Variants in KMT5B observed in about 807,000 individuals in gnomAD.
KMT5B encodes the protein lysine methyltransferase 5B.
Under a neutral mutation model 83.2 loss-of-function variants are expected in KMT5B, and 10 were observed. That is an observed-to-expected ratio of 0.12 (90% CI 0.07 to 0.20). The LOEUF (loss-of-function observed/expected upper bound fraction) is 0.20, where lower values mean the gene tolerates loss of function less well. KMT5B is among the 10% of genes least tolerant of loss of function. KMT5B has a pLI of 1.00. For missense variants in KMT5B, 753 were observed against 1,067.2 expected (o/e 0.71, Z 4.10); for synonymous variants, 349 against 388.8 (o/e 0.90, Z 1.20).
In KMT5B at chr11:68,159,103, T is replaced by C. The variant is rs761877510; in HGVS notation, c.1243A>G (p.Met415Val). 7 of 1,601,166 alleles carry C rather than the reference T, an allele frequency of 4.4e-6. No homozygotes were observed. The highest frequency in any genetic ancestry group is 1.7e-4 in the Middle Eastern group (1 of 5,974). The change falls in exon 11 of 11, where the codon ATG (methionine) becomes GTG (valine). Residue 415 changes from methionine (M) to valine (V), a missense_variant. This residue lies in a region of KMT5B where 397 missense variants were observed against 395.9 expected (regional missense o/e 1.00). Transcript: ENST00000304363. ...TTGGAAGAAGCTGGAATTCTTGACA[T>C]AGATTGCCTCGTTAACGTTCTGCTC... ...SKSRTLTRQS[M>V]SRIPASSNST...
At chr11:68,187,682 C>T (rs1173326403) in intron 2 of KMT5B, among the ~76,000 whole-genome samples, 1 of 152,170 alleles carries the variant, frequency 6.6e-6, no homozygotes, top group Non-Finnish European at 1.5e-5. Flanking sequence ...TCTGTTAGGC[C>T]TCATTGGTTT....
chr11:68,167,350 T>C (rs1376102391), intron 9 of KMT5B, among the ~76,000 whole-genome samples, 172 bp from the exon 10 acceptor site: 2 of 152,048 alleles, frequency 1.3e-5, no homozygotes, highest in Non-Finnish European at 2.9e-5. Flanking sequence ...ATCTATATTA[T>C]AAAATTAACT....
Position 68,200,636 on chromosome 11 carries a change from T to C in KMT5B, c.-76-10484A>G, listed in dbSNP as rs1352381495. On this transcript the variant is annotated intron_variant, in intron 1 of 10. Coordinates refer to ENST00000304363, the MANE Select transcript of KMT5B (RefSeq NM_017635.5). Reference sequence around the variant, plus strand: ...GGAGTGGGAGGTGATGGGAATAGGTTAGTTAATTTGAGAAGGCAAGCCTTC... The same window carrying C: ...GGAGTGGGAGGTGATGGGAATAGGTCAGTTAATTTGAGAAGGCAAGCCTTC... Among the ~76,000 whole-genome samples the C allele has an allele frequency of 2.6e-5, 4 of 152,186 alleles. No homozygotes were observed. In the East Asian group the frequency reaches 7.7e-4, roughly 29 times the overall value.
chr11:68,156,021 G>C lies in KMT5B; in HGVS notation c.*1667C>G, dbSNP rs189577669. 1.3e-5 allele frequency: 2 copies of C among 152,144 alleles called. No individual in the cohort carries two copies. The highest frequency in any genetic ancestry group is 4.8e-5 in the African/African-American group (2 of 41,422). 9.4% of individuals were successfully genotyped at this position (152,144 alleles called of 1,614,324 possible). Reference sequence around the variant, plus strand: ...TGGGCAATCAACAGTCTTAAGGAGCGTCATTGAAACAATATCCCCCCAAAC... The same window carrying C: ...TGGGCAATCAACAGTCTTAAGGAGCCTCATTGAAACAATATCCCCCCAAAC... On this transcript the variant is annotated 3_prime_UTR_variant, in exon 11 of 11. Transcript: ENST00000304363.
chr11:68,175,299 C>T lies in KMT5B; in HGVS notation c.378-116G>A, dbSNP rs535610002. On this transcript the variant is annotated intron_variant, in intron 4 of 10. Coordinates refer to ENST00000304363, the MANE Select transcript of KMT5B (RefSeq NM_017635.5). ...CTAAAAACAGCCATGGTTATCAGAG[C>T]AAAGATCTAAGAGAAGAGAACAACA... The T allele has an allele frequency of 8.1e-5, 58 of 719,828 alleles. No homozygotes were observed. In the Admixed American group the frequency reaches 1.6e-3, roughly 20 times the overall value. The allele number at this position is 719,828 out of a possible 1,614,324, so 44.6% of individuals were successfully genotyped here. A position where few individuals can be genotyped will look rare whatever the true frequency, so the allele number is the denominator to read the frequency against.
chr11:68,199,026 G>A (rs898316390), intron 1 of KMT5B, among the ~76,000 whole-genome samples: 4 of 152,184 alleles, frequency 2.6e-5, no homozygotes. Flanking sequence ...ACCACGCCCG[G>A]CCATTACTGA....
chr11:68,159,815 C>G (rs1590918784), intron 10 of KMT5B, among the ~76,000 whole-genome samples: 1 of 152,216 alleles, frequency 6.6e-6, no homozygotes, highest in Non-Finnish European at 1.5e-5. Context: ...GAAGAGGCAA[C>G]CAGTGGGCTG....
intron 1 of KMT5B, among the ~76,000 whole-genome samples, chr11:68,204,611 G>GTTTTTTTTTTTTT (rs34315868): frequency 9.4e-6 from 1 of 106,150 alleles, no homozygotes; most frequent in African/African-American, 3.5e-5. Flanking sequence ...TAAATTTCCG[G>GTTTTTTTTTTTTT]TTTTTTTTTT....
intron 1 of KMT5B, among the ~76,000 whole-genome samples, chr11:68,209,900 T>C (rs928798806): frequency 1.3e-5 from 2 of 151,082 alleles, no homozygotes; most frequent in African/African-American, 4.9e-5. Flanking sequence ...GGAGTCTTGC[T>C]CTGTCGCCCA....
At chr11:68,162,174 G>A (rs1854927041) in intron 10 of KMT5B, among the ~76,000 whole-genome samples, 1 of 152,140 alleles carries the variant, frequency 6.6e-6, no homozygotes, top group Non-Finnish European at 1.5e-5. Flanking sequence ...ATGAACTATG[G>A]CAGTTTTGTT....
chr11:68,166,609 G>C lies in KMT5B; in HGVS notation c.1174+373C>G, dbSNP rs865812990. 1.2e-5 allele frequency: 12 copies of C among 1,020,172 alleles called. No homozygotes were observed. In the African/African-American group the frequency reaches 2.1e-4, roughly 18 times the overall value. The allele number at this position is 1,020,172 out of a possible 1,614,324, so 63.2% of individuals were successfully genotyped here. ...TTTTCTAACAAACTGGCTAGGCACT[G>C]GAATGTATAGAGTCTAATTTAATTC... On this transcript the variant is annotated intron_variant, in intron 10 of 10. Coordinates refer to ENST00000304363, the MANE Select transcript of KMT5B (RefSeq NM_017635.5).
intron 10 of KMT5B, among the ~76,000 whole-genome samples, chr11:68,163,978 G>A (rs1159686723): frequency 3.3e-5 from 5 of 152,064 alleles, no homozygotes; most frequent in Admixed American, 6.6e-5. Flanking sequence ...ACCCGTGTCC[G>A]CATCTTCACA....
intron 2 of KMT5B, among the ~76,000 whole-genome samples, chr11:68,186,586 G>T (rs1446456337): frequency 6.6e-6 from 1 of 152,196 alleles, no homozygotes; most frequent in Non-Finnish European, 1.5e-5. Flanking sequence ...TAAAAATACA[G>T]ACTGAAATAT....
chr11:68,166,646 T>A, intron 10 of KMT5B: 1 of 1,081,114 alleles, frequency 9.2e-7, no homozygotes, highest in Non-Finnish European at 1.1e-6. Flanking sequence ...ACTCAGTCCT[T>A]TTGTCTTCTT....
intron 9 of KMT5B, among the ~76,000 whole-genome samples, chr11:68,168,180 A>T (rs762880280): frequency 6.6e-6 from 1 of 152,196 alleles, no homozygotes; most frequent in East Asian, 1.9e-4. Flanking sequence ...ACTTTTTGCC[A>T]AAGTGATGAG....
chr11:68,157,716 T>G lies in KMT5B; in HGVS notation c.2630A>C (p.Glu877Ala). The change falls in exon 11 of 11, where the codon GAA (glutamate) becomes GCA (alanine). Residue 877 changes from glutamate to alanine, a missense_variant. Transcript: ENST00000304363. ...IDIDISSRRR[E>A]DQSLRLNA ...GGCATTAAGCCTTAAAGACTGATCT[T>G]CTCTTCTCCTTGAAGAAATGTCAAT... 6.3e-7 allele frequency: 1 copy of G among 1,598,362 alleles called. No individual in the cohort carries two copies. Among genetic ancestry groups the G allele is most frequent in the Non-Finnish European group, 8.5e-7 (1 of 1,172,054 alleles).
intron 6 of KMT5B, among the ~76,000 whole-genome samples, chr11:68,173,034 C>T (rs1855998971): frequency 6.6e-6 from 1 of 152,114 alleles, no homozygotes. Flanking sequence ...TCCCTTTTAG[C>T]TGGGCTCAAC....
At position 68,158,558 on chromosome 11, in the gene KMT5B, T is replaced by C. The variant is rs756901018; in HGVS notation, c.1788A>G (p.Gln596=). ...QEEELAHETA[Q]KGEAKCHKSD... is the part of the protein sequence containing the mutation. ...TCTTATGACACTTTGCCTCCCCTTT[T>C]TGTGCAGTCTCATGAGCCAGTTCTT... The change falls in exon 11 of 11, where the codon CAA becomes CAG. Residue 596 remains glutamine (Q), a synonymous_variant. Transcript: ENST00000304363. 2.5e-6 allele frequency: 4 copies of C among 1,614,226 alleles called. No homozygotes were observed. The South Asian group carries it at 4.4e-5, about 18-fold the overall frequency.
chr11:68,193,909 T>C (rs899685576), intron 1 of KMT5B, among the ~76,000 whole-genome samples: 1 of 151,216 alleles, frequency 6.6e-6, no homozygotes, highest in Non-Finnish European at 1.5e-5. Flanking sequence ...CAAGCAATCC[T>C]CCACCTCAGC....
Sources: gnomAD v4.1 joint callset for allele counts (sites outside exome capture counted in the v4.1 genomes callset) on GRCh38, gnomAD v4.1.1 for gene constraint, gnomAD v4.1.1 regional missense constraint, MANE v1.5 for transcripts, NCBI Gene and HGNC (gene_info 2026-07-23, HGNC 2026-07-21) for gene names.